TRDN: variants seen among roughly 807,000 people sequenced by gnomAD.
TRDN encodes the protein triadin.
TRDN carries 161 observed loss-of-function variants against 149.7 expected under a neutral mutation model. That is an observed-to-expected ratio of 1.08 (90% CI 0.95 to 1.23). The LOEUF is 1.23. TRDN is among the 50% of genes most tolerant of loss of function. TRDN has a pLI of 0.00. For missense variants in TRDN, 896 were observed against 823.5 expected (o/e 1.09, Z -1.08); for synonymous variants, 294 against 250.5 (o/e 1.17, Z -1.64).
rs10547981 is a variant in TRDN at position 123,551,203 on chromosome 6, G to GATATATATATATATATAT, written c.233-2609_233-2592dup. Among the ~76,000 whole-genome samples, 292 of 118,078 alleles carry GATATATATATATATATAT rather than the reference G, an allele frequency of 2.5e-3. 18 individuals carry two copies. Among genetic ancestry groups the GATATATATATATATATAT allele is most frequent in the African/African-American group, 6.4e-3 (194 of 30,294 alleles). 77.5% of individuals were successfully genotyped at this position (118,078 alleles called of 152,430 possible). On this transcript the variant is annotated intron_variant, in intron 2 of 40. Transcript: ENST00000334268. ...TTAAATGCACTGTATGTATTTTGCAGATATATATATATATATATATTGCCT... is the reference window on the plus strand; with the variant it reads ...TTAAATGCACTGTATGTATTTTGCAGATATATATATATATATATATATATATATATATATATATTGCCT...
At chr6:123,342,772 C>T (rs1780111925) in intron 21 of TRDN, among the ~76,000 whole-genome samples, 1 of 151,952 alleles carries the variant, frequency 6.6e-6, no homozygotes, top group African/African-American at 2.4e-5. Flanking sequence ...GTAGATATCA[C>T]CACAAATTGT....
At chr6:123,394,844 A>C (rs549805018) in intron 12 of TRDN, among the ~76,000 whole-genome samples, 41 of 152,226 alleles carry the variant, frequency 2.7e-4, no homozygotes, top group African/African-American at 8.4e-4. Context: ...TCTACCCTTG[A>C]TATTTACATA....
chr6:123,259,638 T>C lies in TRDN; in HGVS notation c.1856A>G (p.Glu619Gly). The C allele has an allele frequency of 6.8e-7, 1 of 1,473,104 alleles. No homozygotes were observed. The highest frequency in any genetic ancestry group is 1.9e-4 in the Middle Eastern group (1 of 5,388). The allele number at this position is 1,473,104 out of a possible 1,614,324, so 91.3% of individuals were successfully genotyped here. A position where few individuals can be genotyped will look rare whatever the true frequency, so the allele number is the denominator to read the frequency against. ...GTCATTTTTACCTTTACTTTCTTTT[T>C]CAGATATTTCAGTTTTCTTCTTTCC... Reference protein sequence around the residue: ...ESGKKKTEISEKESKEKADMK... With the variant: ...ESGKKKTEISGKESKEKADMK... The change falls in exon 35 of 41, where the codon GAA becomes GGA. Residue 619 changes from glutamate to glycine, a missense_variant. Coordinates refer to ENST00000334268, the MANE Select transcript of TRDN (RefSeq NM_006073.4).
At chr6:123,568,549 G>A (rs942024864) in intron 2 of TRDN, among the ~76,000 whole-genome samples, 4 of 152,224 alleles carry the variant, frequency 2.6e-5, no homozygotes, top group African/African-American at 9.6e-5. Context: ...AATCTAGGTG[G>A]AGGCTGCCAA....
At chr6:123,620,872 G>A (rs775000681) in intron 1 of TRDN, among the ~76,000 whole-genome samples, 1 of 152,102 alleles carries the variant, frequency 6.6e-6, no homozygotes, top group Non-Finnish European at 1.5e-5. Flanking sequence ...TAAAGATGAT[G>A]TCCATTGGAT....
At chr6:123,401,806 G>GT (rs1772985186) in intron 12 of TRDN, among the ~76,000 whole-genome samples, 1 of 152,074 alleles carries the variant, frequency 6.6e-6, no homozygotes, top group Admixed American at 6.6e-5. Context: ...AATTAGCTGG[G>GT]TGTGGGGGTG....
intron 35 of TRDN, among the ~76,000 whole-genome samples, chr6:123,259,324 A>G (rs1392156008): frequency 1.3e-5 from 2 of 152,068 alleles, no homozygotes; most frequent in African/African-American, 4.8e-5. Context: ...AATTTTATGT[A>G]GGCAATATTC....
At chr6:123,396,886 C>T (rs1582966105) in intron 12 of TRDN, among the ~76,000 whole-genome samples, 1 of 152,120 alleles carries the variant, frequency 6.6e-6, no homozygotes, top group African/African-American at 2.4e-5. Flanking sequence ...AAATCCATTA[C>T]ATTTTCAAAA....
At chr6:123,391,431 T>G (rs1046217880) in intron 13 of TRDN, among the ~76,000 whole-genome samples, 2 of 152,064 alleles carry the variant, frequency 1.3e-5, no homozygotes, top group East Asian at 1.9e-4. Flanking sequence ...TTAATGACAT[T>G]TGTGCTTTTT....
rs947001974 is a variant in TRDN, at chr6:123,393,658, T to C, written c.1071A>G (p.Glu357=). The C allele has an allele frequency of 1.9e-6, 3 of 1,607,228 alleles. No individual in the cohort carries two copies. Among genetic ancestry groups the C allele is most frequent in the Non-Finnish European group, 2.6e-6 (3 of 1,176,160 alleles). Reference sequence around the variant, plus strand: ...CAATTTTTACAGTCCCTTGTTTGGTTTCAGAAGCTTTTCCCGGCTCTTGGA... The same window carrying C: ...CAATTTTTACAGTCCCTTGTTTGGTCTCAGAAGCTTTTCCCGGCTCTTGGA... ...VEKKEPGKAS[E]TKQGTVKIAA... Residue 357 remains glutamate (E), a synonymous_variant, in exon 13 of 41, where the codon GAA becomes GAG. Coordinates refer to ENST00000334268, the MANE Select transcript of TRDN (RefSeq NM_006073.4).
At chr6:123,586,388 G>C (rs1302540148) in intron 1 of TRDN, among the ~76,000 whole-genome samples, 4 of 152,074 alleles carry the variant, frequency 2.6e-5, no homozygotes, top group Admixed American at 1.3e-4. Flanking sequence ...AGAGTAGAAA[G>C]ACTCAGTGAT....
At chr6:123,596,290 T>C (rs927484196) in intron 1 of TRDN, among the ~76,000 whole-genome samples, 2 of 151,890 alleles carry the variant, frequency 1.3e-5, no homozygotes, top group Non-Finnish European at 2.9e-5. Flanking sequence ...CTTAGAGAAG[T>C]AAGGAAGCTG....
intron 12 of TRDN, among the ~76,000 whole-genome samples, chr6:123,407,575 A>G (rs2114502982): frequency 6.6e-6 from 1 of 152,058 alleles, no homozygotes; most frequent in South Asian, 2.1e-4. Context: ...CACTCCCATA[A>G]AATTCCCATA....
intron 12 of TRDN, among the ~76,000 whole-genome samples, chr6:123,397,873 G>A (rs553445530): frequency 2.0e-5 from 3 of 152,300 alleles, no homozygotes; most frequent in Admixed American, 2.0e-4. Context: ...GAGCATGTTT[G>A]AGATAAACAT....
In TRDN at chr6:123,218,653, C is replaced by T. The variant is rs536487170; in HGVS notation, c.2138G>A (p.Gly713Glu). The change falls in exon 41 of 41, where the codon GGA becomes GAA. Residue 713 changes from glycine (G) to glutamate (E), a missense_variant. Coordinates refer to ENST00000334268, the MANE Select transcript of TRDN (RefSeq NM_006073.4). Reference sequence around the variant, plus strand: ...AGAATTTGCTTGACCAGAGCTCTCTCCAGGGCGGTCTGCAGGAGTGAAAGG... The same window carrying T: ...AGAATTTGCTTGACCAGAGCTCTCTTCAGGGCGGTCTGCAGGAGTGAAAGG... ...QFPFTPADRP[G>E]ESSGQANSPG... is the part of the protein sequence containing the mutation. The T allele has an allele frequency of 4.3e-6, 7 of 1,611,050 alleles. No homozygotes were observed. The African/African-American group carries it at 9.4e-5, about 22-fold the overall frequency.
At position 123,504,005 on chromosome 6, in the gene TRDN, A is replaced by G. The variant is rs935126250; in HGVS notation, c.611-104T>C. The G allele has an allele frequency of 2.9e-5, 36 of 1,260,920 alleles. No homozygotes were observed. In the Middle Eastern group the frequency reaches 8.4e-4, roughly 29 times the overall value. 78.1% of individuals were successfully genotyped at this position (1,260,920 alleles called of 1,614,324 possible). On this transcript the variant is annotated intron_variant, in intron 7 of 40. Transcript: ENST00000334268. ...AAAATTGGAAAAGAAAGAGGGAAGAAAGGTAAGTCACAAGTGTTTATGTTA... is the reference window on the plus strand; with the variant it reads ...AAAATTGGAAAAGAAAGAGGGAAGAGAGGTAAGTCACAAGTGTTTATGTTA...
intron 24 of TRDN, among the ~76,000 whole-genome samples, chr6:123,310,907 T>C (rs547660486): frequency 6.6e-6 from 1 of 152,158 alleles, no homozygotes; most frequent in African/African-American, 2.4e-5. Flanking sequence ...TTAACTCTAC[T>C]GTTCTGTGCA....
chr6:123,479,063 G>A (rs1046888789), intron 9 of TRDN, among the ~76,000 whole-genome samples: 3 of 152,130 alleles, frequency 2.0e-5, no homozygotes, highest in Non-Finnish European at 4.4e-5. Flanking sequence ...AAATGAGTGA[G>A]TAAACAAATG....
intron 3 of TRDN, among the ~76,000 whole-genome samples, 156 bp from the exon 4 acceptor site, chr6:123,547,528 G>A (rs1465954951): frequency 2.0e-5 from 3 of 151,598 alleles, no homozygotes; most frequent in South Asian, 2.1e-4. Context: ...CAGTTTTTAA[G>A]TATAAAGTTT....
Sources: gnomAD v4.1 joint callset for allele counts (sites outside exome capture counted in the v4.1 genomes callset) on GRCh38, gnomAD v4.1.1 for gene constraint, MANE v1.5 for transcripts, NCBI Gene and HGNC (gene_info 2026-07-23, HGNC 2026-07-21) for gene names.